THEMIS: variants seen among roughly 807,000 people sequenced by gnomAD.
THEMIS encodes the protein thymocyte selection associated.
In THEMIS, 37 loss-of-function variants were observed where a neutral mutation model predicts 52.6. That is an observed-to-expected ratio of 0.70 (90% confidence interval 0.54 to 0.93). THEMIS has a LOEUF of 0.93. Among genes scored for constraint, THEMIS ranks in the 40% least tolerant of loss-of-function variants. The pLI is 0.00. For synonymous variants in THEMIS, 292 were observed against 272.7 expected, an observed-to-expected ratio of 1.07 and a Z score of -0.70; for missense variants, 808 against 763.1, an observed-to-expected ratio of 1.06 and a Z score of -0.69.
Position 127,766,278 on chromosome 6 carries a change from G to A in THEMIS, c.1759-46455C>T, listed in dbSNP as rs531523574. ...ACCAGAAATCCCCAAAGTGAATTTC[G>A]CACATTCCATGTATCCTTTTTGCCT... On this transcript the variant is annotated intron_variant, in intron 4 of 5. Transcript: ENST00000368248. 1.3e-3 allele frequency among the ~76,000 whole-genome samples: 205 copies of A among 152,084 alleles called. 1 individual carries two copies. The highest frequency in any genetic ancestry group is 4.6e-3 in the African/African-American group (190 of 41,504).
At chr6:127,830,593 A>G (rs1367943114) in intron 2 of THEMIS, among the ~76,000 whole-genome samples, 1 of 151,962 alleles carries the variant, frequency 6.6e-6, no homozygotes, top group Non-Finnish European at 1.5e-5. Context: ...GGCTGAGGTG[A>G]CAGGATTGAT....
chr6:127,858,406 A>G (rs1015905991), intron 1 of THEMIS, among the ~76,000 whole-genome samples: 3 of 152,134 alleles, frequency 2.0e-5, no homozygotes, highest in African/African-American at 7.2e-5. Context: ...ACTCATTTTT[A>G]ATAAAGAAAG....
At chr6:127,901,851 C>G (rs1360780903), upstream of THEMIS, among the ~76,000 whole-genome samples, 7 of 151,968 alleles carry the variant, frequency 4.6e-5, no homozygotes, top group Non-Finnish European at 8.8e-5. Flanking sequence ...CAATTCTGAT[C>G]TTATTGTTGA....
intron 1 of THEMIS, among the ~76,000 whole-genome samples, chr6:127,900,172 T>G (rs1277940745): frequency 6.6e-6 from 1 of 151,760 alleles, no homozygotes; most frequent in Admixed American, 6.6e-5. Context: ...GATTCTAGGT[T>G]GTATATTGGA....
intron 1 of THEMIS, among the ~76,000 whole-genome samples, chr6:127,878,017 AAG>A (rs1165775111): frequency 1.3e-5 from 2 of 152,204 alleles, no homozygotes; most frequent in East Asian, 3.8e-4. Context: ...ACAACATGCA[AAG>A]ACTAATCAAA....
At chr6:127,707,691 C>T (rs1562203281), downstream of THEMIS, among the ~76,000 whole-genome samples, 2 of 152,232 alleles carry the variant, frequency 1.3e-5, no homozygotes, top group East Asian at 3.9e-4. Context: ...AATTCTGACT[C>T]TCCCCAGCGT....
In THEMIS at chr6:127,710,000, T is replaced by G. The variant is rs763086490; in HGVS notation, c.1911A>C (p.Glu637Asp). 3 of 1,586,476 alleles carry G rather than the reference T, an allele frequency of 1.9e-6. No homozygotes were observed. Among genetic ancestry groups the G allele is most frequent in the Non-Finnish European group, 2.6e-6 (3 of 1,166,908 alleles). ...ATAIAETFKN[E>D]KHQK is the part of the protein sequence containing the mutation. ...TCACATCTTGTTATTTTTGATGTTT[T>G]TCATTTTTGAATGTTTCTATAAATA... Residue 637 changes from glutamate (E) to aspartate (D), a missense_variant, in exon 6 of 6, where the codon GAA becomes GAC. Physicochemically the swap from Glu to Asp is conservative, Grantham distance 45. Coordinates refer to ENST00000368248, the MANE Select transcript of THEMIS (RefSeq NM_001010923.3).
intron 4 of THEMIS, among the ~76,000 whole-genome samples, chr6:127,752,411 T>A (rs1583233271): frequency 7.0e-6 from 1 of 142,044 alleles, no homozygotes; most frequent in Non-Finnish European, 1.5e-5. Flanking sequence ...TTAGCTAGAG[T>A]AACTAAGAAA....
At chr6:127,918,181 T>G (rs1051858758) in intron 1 of THEMIS, among the ~76,000 whole-genome samples, 2 of 152,160 alleles carry the variant, frequency 1.3e-5, no homozygotes, top group African/African-American at 4.8e-5. Context: ...CTTGCAACAT[T>G]AAAAATAAAC....
At chr6:127,808,163 T>C (rs947106038) in intron 4 of THEMIS, among the ~76,000 whole-genome samples, 2 of 152,188 alleles carry the variant, frequency 1.3e-5, no homozygotes, top group African/African-American at 4.8e-5. Flanking sequence ...AGATTTCTGG[T>C]CCCAGCTGCA....
At chr6:127,788,128 G>T in intron 4 of THEMIS, among the ~76,000 whole-genome samples, 2 of 152,142 alleles carry the variant, frequency 1.3e-5, no homozygotes, top group East Asian at 3.9e-4. Flanking sequence ...AGGTGAGGGA[G>T]AGTCTTTTAT....
At chr6:127,785,250 A>ATCTATCTATCTG (rs1776903409) in intron 4 of THEMIS, among the ~76,000 whole-genome samples, 1 of 130,404 alleles carries the variant, frequency 7.7e-6, no homozygotes. Flanking sequence ...CTATCTATCT[A>ATCTATCTATCTG]TCATCTATCT....
At chr6:127,848,387 G>A (rs1454398446) in intron 2 of THEMIS, among the ~76,000 whole-genome samples, 13 of 151,960 alleles carry the variant, frequency 8.6e-5, no homozygotes, top group South Asian at 2.1e-4. Context: ...ATAAACATAC[G>A]TGTGCATATG....
intron 5 of THEMIS, among the ~76,000 whole-genome samples, chr6:127,712,904 A>G (rs1370112932): frequency 2.0e-5 from 3 of 151,920 alleles, no homozygotes; most frequent in African/African-American, 7.2e-5. Flanking sequence ...ATCAAGCTGA[A>G]GTATGTCTAA....
At chr6:127,834,545 C>T (rs910104666) in intron 2 of THEMIS, among the ~76,000 whole-genome samples, 1 of 151,910 alleles carries the variant, frequency 6.6e-6, no homozygotes, top group African/African-American at 2.4e-5. Context: ...GAACATGTCA[C>T]TGCACTCCAG....
chr6:127,886,581 T>C (rs1224313972), intron 1 of THEMIS, among the ~76,000 whole-genome samples: 1 of 152,096 alleles, frequency 6.6e-6, no homozygotes, highest in East Asian at 1.9e-4. Flanking sequence ...CTGACATTTG[T>C]AGGGGCTGGA....
At chr6:127,846,420 A>T (rs190710869) in intron 2 of THEMIS, among the ~76,000 whole-genome samples, 1 of 152,054 alleles carries the variant, frequency 6.6e-6, no homozygotes, top group East Asian at 1.9e-4. Flanking sequence ...AAGAGAGAAG[A>T]TTTAAATAAG....
intron 4 of THEMIS, among the ~76,000 whole-genome samples, chr6:127,812,534 G>C (rs569148043): frequency 9.9e-5 from 15 of 151,286 alleles, no homozygotes; most frequent in Non-Finnish European, 1.8e-4. Flanking sequence ...ATTTTACTTA[G>C]AAAAAAAAAT....
chr6:127,739,894 T>C (rs190955271), intron 4 of THEMIS, among the ~76,000 whole-genome samples: 8 of 152,320 alleles, frequency 5.3e-5, no homozygotes, highest in Admixed American at 1.3e-4. Context: ...GAGTGGTTCT[T>C]AATACCATTA....
Sources: gnomAD v4.1 joint callset for allele counts (sites outside exome capture counted in the v4.1 genomes callset) on GRCh38, gnomAD v4.1.1 for gene constraint, MANE v1.5 for transcripts, NCBI Gene and HGNC (gene_info 2026-07-23, HGNC 2026-07-21) for gene names.